KCNH1: variants seen among roughly 807,000 people sequenced by gnomAD.
KCNH1 encodes voltage-gated delayed rectifier potassium channel KCNH1.
A neutral mutation model predicts 69.2 loss-of-function variants in KCNH1; 27 were observed. The ratio of observed to expected loss-of-function variants is 0.39; its 90% CI spans 0.29 to 0.54. The LOEUF is 0.54. KCNH1 is among the 20% of genes least tolerant of loss of function. KCNH1 has a pLI of 0.68. For missense variants in KCNH1, 798 were observed against 1,261.6 expected (o/e 0.63, Z 5.57); for synonymous variants, 456 against 487.7 (o/e 0.93, Z 0.86).
chr1:210,919,383 A>G lies in KCNH1; in HGVS notation c.1462+257T>C, dbSNP rs182335506. The G allele has an allele frequency of 1.9e-3, 817 of 433,142 alleles. 2 individuals carry two copies. The highest frequency in any genetic ancestry group is 2.6e-3 in the Non-Finnish European group (621 of 241,920). The allele number at this position is 433,142 out of a possible 1,614,324, so 26.8% of individuals were successfully genotyped here. On this transcript the variant is annotated intron_variant, in intron 7 of 10. Transcript: ENST00000271751. This position sits in a 1 kb window ranked among gnomAD's most constrained non-coding sequence, Gnocchi z 4.2. ...ATAGTCTGTAAGAGAAGACACCAAC[A>G]GTATTAGTAGTTATCTCTGAAAAGC...
intron 7 of KCNH1, among the ~76,000 whole-genome samples, chr1:210,896,923 G>C (rs1211853616): frequency 1.3e-5 from 2 of 152,138 alleles, no homozygotes; most frequent in Non-Finnish European, 2.9e-5. Flanking sequence ...CTTTAGAATA[G>C]GAACCTCCTG....
chr1:210,936,106 G>A lies in KCNH1; in HGVS notation c.1033-16037C>T, dbSNP rs570621681. ...AAAGAACCACTCAGTCTTTCAGGTT[G>A]ATAGATAGTTCTGACAGGCTTCCAG... is the stretch of plus-strand genomic sequence containing the variant. On this transcript the variant is annotated intron_variant, in intron 6 of 10. Coordinates refer to ENST00000271751, the MANE Select transcript of KCNH1 (RefSeq NM_172362.3). 7.2e-5 allele frequency among the ~76,000 whole-genome samples: 11 copies of A among 152,322 alleles called. No homozygotes were observed. In the South Asian group the frequency reaches 1.4e-3, roughly 20 times the overall value.
chr1:210,927,090 G>A (rs1203232549), intron 6 of KCNH1, among the ~76,000 whole-genome samples: 1 of 152,154 alleles, frequency 6.6e-6, no homozygotes, highest in East Asian at 1.9e-4. Flanking sequence ...CCAAACCTAA[G>A]AATAATTGGT....
At chr1:210,991,603 C>CCACACACACACACA (rs67518284) in intron 6 of KCNH1, among the ~76,000 whole-genome samples, 1 of 148,306 alleles carries the variant, frequency 6.7e-6, no homozygotes, top group African/African-American at 2.5e-5. Flanking sequence ...TCTGTTCTTG[C>CCACACACACACACA]CACACACACA....
chr1:210,820,417 T>TGA (rs1684904766), intron 7 of KCNH1, among the ~76,000 whole-genome samples: 1 of 151,916 alleles, frequency 6.6e-6, no homozygotes, highest in Non-Finnish European at 1.5e-5. Context: ...GGGTGGATCA[T>TGA]GAGGTCAGGA....
chr1:210,767,408 T>G (rs549212969), intron 10 of KCNH1, among the ~76,000 whole-genome samples: 2 of 152,292 alleles, frequency 1.3e-5, no homozygotes, highest in African/African-American at 2.4e-5. Flanking sequence ...AGTGATTCCC[T>G]GTGCTAGAGT....
intron 6 of KCNH1, among the ~76,000 whole-genome samples, chr1:210,931,576 G>T (rs767948876): frequency 2.0e-5 from 3 of 152,036 alleles, no homozygotes; most frequent in Non-Finnish European, 2.9e-5. Context: ...CCACTGCTCT[G>T]GTGATGGGTG....
intron 5 of KCNH1, among the ~76,000 whole-genome samples, chr1:211,040,962 C>A (rs1689984648): frequency 6.6e-6 from 1 of 152,192 alleles, no homozygotes; most frequent in Admixed American, 6.5e-5. Flanking sequence ...AAATGCTTTA[C>A]CCAAGCCCTC....
At chr1:210,986,740 G>A (rs1688843498) in intron 6 of KCNH1, among the ~76,000 whole-genome samples, 1 of 152,110 alleles carries the variant, frequency 6.6e-6, no homozygotes, top group Non-Finnish European at 1.5e-5. Context: ...TTCAACGTTG[G>A]TGAATCTGAC....
rs1689748792 is a variant in KCNH1, at chr1:211,029,736, G to T, written c.559-10480C>A. ...GGAAATAAATGGCATCCAGATCAGAGAGGATGAAATAAAAATATCCCTATT... is the reference window on the plus strand; with the variant it reads ...GGAAATAAATGGCATCCAGATCAGATAGGATGAAATAAAAATATCCCTATT... On this transcript the variant is annotated intron_variant, in intron 5 of 10. Transcript: ENST00000271751. 1.3e-5 allele frequency among the ~76,000 whole-genome samples: 2 copies of T among 152,096 alleles called. 1 individual carries two copies. The highest frequency in any genetic ancestry group is 4.1e-4 in the South Asian group (2 of 4,830).
intron 5 of KCNH1, among the ~76,000 whole-genome samples, chr1:211,072,394 G>C (rs1690661494): frequency 6.6e-6 from 1 of 152,152 alleles, no homozygotes; most frequent in Non-Finnish European, 1.5e-5. Flanking sequence ...GAATGATATA[G>C]GTCAGACACT....
At chr1:211,032,306 G>T (rs577236346) in intron 5 of KCNH1, among the ~76,000 whole-genome samples, 14 of 152,180 alleles carry the variant, frequency 9.2e-5, no homozygotes, top group Non-Finnish European at 1.8e-4. Flanking sequence ...TGGGAAGGAA[G>T]AATCAATATC....
At chr1:211,011,446 CTG>C (rs1276691160) in intron 6 of KCNH1, among the ~76,000 whole-genome samples, 3 of 152,008 alleles carry the variant, frequency 2.0e-5, no homozygotes, top group Non-Finnish European at 4.4e-5. Context: ...ATATGTGTGC[CTG>C]TGTCTTTATA....
At chr1:211,017,865 T>G (rs1000547259) in intron 6 of KCNH1, among the ~76,000 whole-genome samples, 5 of 152,218 alleles carry the variant, frequency 3.3e-5, no homozygotes, top group African/African-American at 7.2e-5. Context: ...AAACCTCATG[T>G]TGAAATTTGA....
chr1:210,851,273 G>A (rs968431622), intron 7 of KCNH1, among the ~76,000 whole-genome samples: 2 of 152,136 alleles, frequency 1.3e-5, no homozygotes, highest in African/African-American at 4.8e-5. Flanking sequence ...AGTGTGTTTG[G>A]GTACCTTGTT....
intron 7 of KCNH1, among the ~76,000 whole-genome samples, chr1:210,900,738 T>A (rs1348939623): frequency 2.0e-5 from 3 of 152,108 alleles, no homozygotes; most frequent in Non-Finnish European, 1.5e-5. Flanking sequence ...AGAGCCACAA[T>A]AATCTTTGTA....
chr1:210,978,862 C>A (rs1183577731), intron 6 of KCNH1, among the ~76,000 whole-genome samples: 1 of 152,172 alleles, frequency 6.6e-6, no homozygotes. Context: ...CACTCAAAGT[C>A]CAAGCTGTTT....
At chr1:210,868,528 G>A (rs1389554702) in intron 7 of KCNH1, among the ~76,000 whole-genome samples, 1 of 151,930 alleles carries the variant, frequency 6.6e-6, no homozygotes, top group Non-Finnish European at 1.5e-5. Flanking sequence ...TTATGTTTCA[G>A]TATACTACCT....
At chr1:211,001,956 G>A (rs1689187777) in intron 6 of KCNH1, among the ~76,000 whole-genome samples, 1 of 143,154 alleles carries the variant, frequency 7.0e-6, no homozygotes, top group East Asian at 2.1e-4. Flanking sequence ...GGTGGGAATT[G>A]AACAATGAGA....
Sources: allele counts gnomAD v4.1 joint callset (sites outside exome capture counted in the v4.1 genomes callset), GRCh38; gene constraint gnomAD v4.1.1; non-coding constraint Gnocchi (gnomAD v3.1); transcripts MANE v1.5; gene names NCBI Gene and HGNC (gene_info 2026-07-23, HGNC 2026-07-21).